Variants in DMD observed in about 807,000 individuals in gnomAD.
DMD encodes dystrophin, also known as mutant dystrophin.
Under a neutral mutation model 330.1 loss-of-function variants are expected in DMD, and 63 were observed. The ratio of observed to expected loss-of-function variants is 0.19; its 90% CI spans 0.16 to 0.24. The LOEUF is 0.24. Among genes scored for constraint, DMD ranks in the 10% least tolerant of loss-of-function variants. The pLI is 1.00. For missense variants in DMD, 3,344 were observed against 2,684.1 expected (o/e 1.25, Z -5.43); for synonymous variants, 1,223 against 959.8 (o/e 1.27, Z -5.07).
intron 18 of DMD, among the ~76,000 whole-genome samples, chrX:32,515,472 G>A (rs1363018175): frequency 9.0e-6 from 1 of 110,856 alleles, no homozygotes; most frequent in African/African-American, 3.3e-5. Flanking sequence ...TGATAGGGAG[G>A]GTTTCAAGAG....
intron 47 of DMD, among the ~76,000 whole-genome samples, chrX:31,899,218 C>A (rs2094389736): frequency 9.0e-6 from 1 of 111,461 alleles, no homozygotes; most frequent in African/African-American, 3.3e-5. Flanking sequence ...GTAATAATCT[C>A]AATTTTATAA....
At chrX:33,326,929 T>C (rs2054096799) in intron 1 of DMD, among the ~76,000 whole-genome samples, 1 of 111,369 alleles carries the variant, frequency 9.0e-6, no homozygotes, top group Non-Finnish European at 1.9e-5. Flanking sequence ...GTTACATGGC[T>C]CTCTATAAAG....
intron 51 of DMD, among the ~76,000 whole-genome samples, chrX:31,764,791 T>C (rs1239705397): frequency 8.9e-6 from 1 of 111,864 alleles, no homozygotes; most frequent in Non-Finnish European, 1.9e-5. Context: ...ATTTCTGTTC[T>C]TGAAATAAAT....
chrX:33,186,977 G>A (rs758241930), intron 1 of DMD, among the ~76,000 whole-genome samples: 2 of 112,041 alleles, frequency 1.8e-5, no homozygotes, highest in East Asian at 5.6e-4. Flanking sequence ...AAAGCTATGT[G>A]AGCGTTGTAA....
chrX:32,069,268 G>A (rs1479097924), intron 44 of DMD, among the ~76,000 whole-genome samples: 1 of 110,951 alleles, frequency 9.0e-6, no homozygotes, highest in African/African-American at 3.3e-5. Context: ...TAGAATCTTA[G>A]AAATATGTAC....
chrX:32,334,816 T>C (rs1435583207), intron 41 of DMD, among the ~76,000 whole-genome samples: 1 of 111,979 alleles, frequency 8.9e-6, no homozygotes, highest in Admixed American at 9.5e-5. Flanking sequence ...ATAATCCCAT[T>C]AGCATATCAA....
At chrX:32,143,055 A>G (rs943358219) in intron 44 of DMD, among the ~76,000 whole-genome samples, 1 of 110,349 alleles carries the variant, frequency 9.1e-6, no homozygotes, top group African/African-American at 3.3e-5. Flanking sequence ...TTTTCATCAG[A>G]TATCGACAAC....
chrX:32,164,159 C>A (rs1483334820), intron 44 of DMD, among the ~76,000 whole-genome samples: 4 of 111,017 alleles, frequency 3.6e-5, no homozygotes, highest in African/African-American at 6.6e-5. Flanking sequence ...ATCGCTTGAG[C>A]GCAGGAGTTA....
In DMD at chrX:31,635,552, T is replaced by C. The variant is rs953974517; in HGVS notation, c.8028-7690A>G. Among the ~76,000 whole-genome samples the C allele has an allele frequency of 6.3e-5, 7 of 111,595 alleles. No individual in the cohort carries two copies. In the Admixed American group the frequency reaches 6.7e-4, roughly 11 times the overall value. On this transcript the variant is annotated intron_variant, in intron 54 of 78. Transcript: ENST00000357033. The stretch of plus-strand genomic sequence containing the variant: ...GCAGGTTCAGTTTTCTAATATCAAA[T>C]GGCAAACACACAACAGATTCACTTT...
rs1019197878 is a variant in DMD at position 32,248,792 on chromosome X, C to T, written c.6291-31729G>A. 4.5e-5 allele frequency among the ~76,000 whole-genome samples: 5 copies of T among 110,711 alleles called. No individual in the cohort carries two copies. In the Admixed American group the frequency reaches 4.9e-4, roughly 11 times the overall value. On this transcript the variant is annotated intron_variant, in intron 43 of 78. Coordinates refer to ENST00000357033, the MANE Select transcript of DMD (RefSeq NM_004006.3). ...TTTATTATGAATGGATAATTACAAC[C>T]TTGTTTTTCTAGAATTATCAGGATT... is the stretch of plus-strand genomic sequence containing the variant.
chrX:33,329,945 A>G (rs1402560559), intron 1 of DMD, among the ~76,000 whole-genome samples: 2 of 111,704 alleles, frequency 1.8e-5, no homozygotes, highest in African/African-American at 6.5e-5. Flanking sequence ...GGACAGAAAT[A>G]CTTTCCTTAA....
intron 55 of DMD, among the ~76,000 whole-genome samples, chrX:31,564,908 G>T (rs920441263): frequency 1.8e-5 from 2 of 112,101 alleles, no homozygotes. Context: ...TCTTAACTGA[G>T]TGATGGAGAA....
intron 2 of DMD, among the ~76,000 whole-genome samples, chrX:32,989,209 C>T (rs2092919093): frequency 9.0e-6 from 1 of 111,485 alleles, no homozygotes. Flanking sequence ...CTTTATGGCA[C>T]TCTAGTTCAG....
intron 9 of DMD, among the ~76,000 whole-genome samples, chrX:32,697,602 G>C (rs964222031): frequency 3.6e-5 from 4 of 111,264 alleles, no homozygotes; most frequent in African/African-American, 1.3e-4. Context: ...AGCAGCCTTT[G>C]TCAAAGAGAA....
chrX:31,426,006 C>A (rs1170174064), intron 60 of DMD, among the ~76,000 whole-genome samples: 2 of 111,369 alleles, frequency 1.8e-5, no homozygotes, highest in Admixed American at 1.9e-4. Flanking sequence ...GAATCTCGGA[C>A]TCCACGCTGG....
At chrX:31,244,369 ACTGT>A (rs948852190) in intron 63 of DMD, among the ~76,000 whole-genome samples, 14 of 112,057 alleles carry the variant, frequency 1.2e-4, no homozygotes, top group East Asian at 8.3e-4. Flanking sequence ...CTGATAACTG[ACTGT>A]CTGTTTTTGA....
intron 7 of DMD, among the ~76,000 whole-genome samples, chrX:32,796,355 G>A (rs183250942): frequency 3.3e-4 from 37 of 111,321 alleles, no homozygotes; most frequent in Non-Finnish European, 6.0e-4. Context: ...TGAGACAATC[G>A]AGGCAAAGAT....
intron 6 of DMD, among the ~76,000 whole-genome samples, chrX:32,812,592 C>T (rs989753652): frequency 2.0e-4 from 23 of 112,244 alleles, no homozygotes; most frequent in Non-Finnish European, 3.8e-4. Context: ...AAGGTTGGCC[C>T]ACTGCGCTCT....
intron 2 of DMD, among the ~76,000 whole-genome samples, chrX:33,002,816 T>C (rs2147437921): frequency 1.2e-5 from 1 of 86,152 alleles, no homozygotes; most frequent in African/African-American, 4.7e-5. Flanking sequence ...CCAGACCCTA[T>C]TCTCCTGCCT....
Sources: allele counts gnomAD v4.1 joint callset (sites outside exome capture counted in the v4.1 genomes callset), GRCh38; gene constraint gnomAD v4.1.1; transcripts MANE v1.5; gene names NCBI Gene and HGNC (gene_info 2026-07-23, HGNC 2026-07-21).